The following GALNTL6 variants were observed in gnomAD, a reference collection of about 807,000 sequenced individuals.
GALNTL6 encodes polypeptide N-acetylgalactosaminyltransferase like 6, also known as polypeptide N-acetylgalactosaminyltransferase-like 6.
In GALNTL6, 46 loss-of-function variants were observed where a neutral mutation model predicts 73.7. The observed-to-expected ratio is 0.62, with a 90% CI of 0.49 to 0.80. GALNTL6 has a LOEUF of 0.80. Ranked by LOEUF, GALNTL6 falls within the 30% of genes least tolerant of loss-of-function variation. The probability of loss-of-function intolerance (pLI) is 0.00; values close to 1 mark genes in which losing one functional copy is unlikely to be tolerated. For synonymous variants in GALNTL6, 259 were observed against 263.7 expected (o/e 0.98, Z 0.17); for missense variants, 604 against 755.0 (o/e 0.80, Z 2.34).
chr4:172,964,020 T>A (rs1459866157), intron 10 of GALNTL6, among the ~76,000 whole-genome samples: 1 of 152,114 alleles, frequency 6.6e-6, no homozygotes, highest in Non-Finnish European at 1.5e-5. Context: ...GGGGAGGTGA[T>A]GAGTCCCAGA....
intron 3 of GALNTL6, among the ~76,000 whole-genome samples, chr4:172,290,555 C>G (rs1453892637): frequency 6.6e-6 from 1 of 151,968 alleles, no homozygotes; most frequent in African/African-American, 2.4e-5. Flanking sequence ...TACATTGGCT[C>G]TCCAAGTTAT....
intron 3 of GALNTL6, among the ~76,000 whole-genome samples, chr4:172,248,693 G>A (rs1737744696): frequency 6.6e-6 from 1 of 152,068 alleles, no homozygotes; most frequent in Admixed American, 6.5e-5. Context: ...GGAGGTAATT[G>A]AATCATGGGG....
intron 7 of GALNTL6, among the ~76,000 whole-genome samples, chr4:172,842,734 G>T (rs1001171596): frequency 6.6e-6 from 1 of 151,618 alleles, no homozygotes; most frequent in African/African-American, 2.4e-5. Flanking sequence ...GGGAGAGTAA[G>T]AGGGTTTCTC....
chr4:172,554,908 A>G (rs184766946), intron 5 of GALNTL6, among the ~76,000 whole-genome samples: 1 of 152,314 alleles, frequency 6.6e-6, no homozygotes, highest in Admixed American at 6.5e-5. Context: ...TTCTGGAATT[A>G]CTAAAATTTA....
chr4:171,833,487 A>G (rs1735030136), intron 2 of GALNTL6, among the ~76,000 whole-genome samples: 1 of 151,746 alleles, frequency 6.6e-6, no homozygotes, highest in South Asian at 2.1e-4. Flanking sequence ...AATCTTAATT[A>G]TTATGACTTT....
intron 5 of GALNTL6, among the ~76,000 whole-genome samples, chr4:172,704,367 A>G (rs1734201545): frequency 6.6e-6 from 1 of 151,760 alleles, no homozygotes; most frequent in Non-Finnish European, 1.5e-5. Flanking sequence ...CTTTTTCTGT[A>G]TCCCATAGAT....
At chr4:172,338,837 G>A (rs1472256567) in intron 4 of GALNTL6, among the ~76,000 whole-genome samples, 2 of 152,202 alleles carry the variant, frequency 1.3e-5, no homozygotes, top group Admixed American at 6.5e-5. Context: ...ACCAAGAAAT[G>A]TGCCTACGAC....
intron 5 of GALNTL6, among the ~76,000 whole-genome samples, chr4:172,497,861 A>G (rs894479085): frequency 2.0e-5 from 3 of 152,160 alleles, no homozygotes; most frequent in Non-Finnish European, 2.9e-5. Context: ...CATAGGTTCT[A>G]GTGGTAAATT....
intron 5 of GALNTL6, among the ~76,000 whole-genome samples, chr4:172,441,248 A>C (rs899184718): frequency 3.3e-5 from 5 of 152,114 alleles, no homozygotes; most frequent in Non-Finnish European, 5.9e-5. Flanking sequence ...TTGATATCCA[A>C]ACAGTAATAT....
intron 2 of GALNTL6, among the ~76,000 whole-genome samples, chr4:172,182,543 T>C (rs1158778089): frequency 2.2e-5 from 2 of 92,872 alleles, no homozygotes; most frequent in African/African-American, 4.2e-5. Context: ...TAATTCCCAA[T>C]GAAAAATACC....
At chr4:171,979,918 C>T (rs961305651) in intron 2 of GALNTL6, among the ~76,000 whole-genome samples, 2 of 150,678 alleles carry the variant, frequency 1.3e-5, no homozygotes, top group African/African-American at 2.4e-5. Context: ...TAGAGAGGGT[C>T]AAAGAGAGAG....
chr4:172,201,731 C>T (rs1192218726), intron 2 of GALNTL6, among the ~76,000 whole-genome samples: 1 of 152,178 alleles, frequency 6.6e-6, no homozygotes, highest in East Asian at 1.9e-4. Flanking sequence ...AAATAGTGCA[C>T]ATAAAATGGC....
At chr4:171,991,008 C>A (rs766991634) in intron 2 of GALNTL6, among the ~76,000 whole-genome samples, 1 of 151,854 alleles carries the variant, frequency 6.6e-6, no homozygotes, top group South Asian at 2.1e-4. Context: ...TTATGACTAT[C>A]GATGTAGAAA....
chr4:172,486,185 G>A (rs184668570), intron 5 of GALNTL6, among the ~76,000 whole-genome samples: 5 of 152,208 alleles, frequency 3.3e-5, no homozygotes, highest in Admixed American at 6.5e-5. Flanking sequence ...ATAAAAAGAA[G>A]GCTCCCAGCA....
At chr4:171,854,131 T>G (rs367687621) in intron 2 of GALNTL6, among the ~76,000 whole-genome samples, 3 of 152,174 alleles carry the variant, frequency 2.0e-5, no homozygotes, top group Non-Finnish European at 4.4e-5. Context: ...TGTTGGATCT[T>G]GCTCATCTCT....
chr4:171,818,682 G>A (rs923037632), intron 2 of GALNTL6, among the ~76,000 whole-genome samples: 2 of 151,218 alleles, frequency 1.3e-5, no homozygotes, highest in African/African-American at 2.4e-5. Flanking sequence ...CTCTTCGTGT[G>A]TGTCACATAA....
intron 2 of GALNTL6, among the ~76,000 whole-genome samples, chr4:171,881,149 T>TTTCTGC (rs1254108244): frequency 3.9e-5 from 6 of 152,198 alleles, no homozygotes; most frequent in Admixed American, 2.6e-4. Flanking sequence ...CCTGTAGAGA[T>TTTCTGC]TTCTGCGGAA....
chr4:171,948,608 T>C (rs1738774498), intron 2 of GALNTL6, among the ~76,000 whole-genome samples: 1 of 152,186 alleles, frequency 6.6e-6, no homozygotes, highest in East Asian at 1.9e-4. Context: ...TGTTACTACA[T>C]GCATATCTAT....
chr4:172,433,390 T>C lies in GALNTL6; in HGVS notation c.553+84701T>C, dbSNP rs574346070. On this transcript the variant is annotated intron_variant, in intron 5 of 12. Transcript: ENST00000506823. The stretch of plus-strand genomic sequence containing the variant: ...CGCCTGCTCCCACCTCATACACTTA[T>C]CATGCTGTCACTCTTTGCTCCAGGG... Among the ~76,000 whole-genome samples, 4 of 152,194 alleles carry C rather than the reference T, an allele frequency of 2.6e-5. No individual in the cohort carries two copies. The South Asian group carries it at 8.3e-4, about 32-fold the overall frequency.
Sources: gnomAD v4.1 joint callset for allele counts (sites outside exome capture counted in the v4.1 genomes callset) on GRCh38, gnomAD v4.1.1 for gene constraint, MANE v1.5 for transcripts, NCBI Gene and HGNC (gene_info 2026-07-23, HGNC 2026-07-21) for gene names.